The following SLC16A12 variants were observed in gnomAD, a reference collection of about 807,000 sequenced individuals.
SLC16A12 encodes solute carrier family 16 member 12.
A neutral mutation model predicts 42.4 loss-of-function variants in SLC16A12; 17 were observed. The observed-to-expected ratio is 0.40, with a 90% CI of 0.27 to 0.60. The LOEUF is 0.60. Ranked by LOEUF, SLC16A12 falls within the 20% of genes least tolerant of loss-of-function variation. The pLI is 0.42. For missense variants in SLC16A12, 544 were observed against 623.0 expected, an observed-to-expected ratio of 0.87 and a Z score of 1.35; for synonymous variants, 224 against 229.4, an observed-to-expected ratio of 0.98 and a Z score of 0.21.
chr10:89,515,822 C>T (rs189537217), intron 2 of SLC16A12, among the ~76,000 whole-genome samples: 28 of 152,124 alleles, frequency 1.8e-4, no homozygotes, highest in Admixed American at 1.6e-3. Context: ...CAATCAGTAC[C>T]ATAACAGGAG....
intron 2 of SLC16A12, among the ~76,000 whole-genome samples, chr10:89,516,314 G>A (rs137923116): frequency 6.8e-4 from 103 of 152,236 alleles, no homozygotes; most frequent in South Asian, 3.9e-3. Flanking sequence ...AGCCCCTCCC[G>A]ATGATGTCAC....
intron 2 of SLC16A12, among the ~76,000 whole-genome samples, chr10:89,545,584 A>G (rs775273105): frequency 2.6e-5 from 4 of 152,236 alleles, no homozygotes; most frequent in Admixed American, 6.5e-5. Flanking sequence ...ATGGAAAAAC[A>G]TTCCATCCTC....
chr10:89,544,687 T>C (rs1843733275), intron 2 of SLC16A12, among the ~76,000 whole-genome samples: 1 of 152,234 alleles, frequency 6.6e-6, no homozygotes, highest in Non-Finnish European at 1.5e-5. Flanking sequence ...TGTGTATGTA[T>C]TATTTCATTC....
chr10:89,464,733 T>C (rs1176208891), intron 2 of SLC16A12, among the ~76,000 whole-genome samples: 2 of 152,118 alleles, frequency 1.3e-5, no homozygotes, highest in Non-Finnish European at 2.9e-5. Context: ...CTGGAACAAA[T>C]TGGTGGCTTG....
At chr10:89,472,252 A>G (rs2133769825) in intron 2 of SLC16A12, among the ~76,000 whole-genome samples, 1 of 151,754 alleles carries the variant, frequency 6.6e-6, no homozygotes, top group South Asian at 2.1e-4. Context: ...ATGCCAAGAA[A>G]TAGATTCAAC....
At chr10:89,554,761 C>T (rs192593905) in intron 2 of SLC16A12, among the ~76,000 whole-genome samples, 11 of 152,292 alleles carry the variant, frequency 7.2e-5, no homozygotes, top group African/African-American at 2.4e-4. Context: ...CATTGGATAC[C>T]TGCTCTTTGC....
intron 2 of SLC16A12, among the ~76,000 whole-genome samples, chr10:89,517,553 C>G (rs900346113): frequency 3.3e-5 from 5 of 152,084 alleles, no homozygotes; most frequent in African/African-American, 1.2e-4. Context: ...TCAAGGAATC[C>G]TCCTGCCTTG....
At chr10:89,460,294 G>A (rs938022423) in intron 3 of SLC16A12, among the ~76,000 whole-genome samples, 2 of 152,038 alleles carry the variant, frequency 1.3e-5, no homozygotes, top group East Asian at 3.9e-4. Context: ...TCATAATATA[G>A]ATGAGTCTTA....
At position 89,540,918 on chromosome 10, in the gene SLC16A12, T is replaced by C. The variant is rs201460337; in HGVS notation, c.-47+14964A>G. 2.3e-4 allele frequency among the ~76,000 whole-genome samples: 35 copies of C among 152,090 alleles called. 1 individual carries two copies. The East Asian group carries it at 4.3e-3, about 18-fold the overall frequency. ...AAGACAAACTAAGCAAATTTCTTTT[T>C]TTTTTTTCCCTTTTTTTTTTTGACA... is the stretch of plus-strand genomic sequence containing the variant. On this transcript the variant is annotated intron_variant, in intron 2 of 2. Transcript: ENST00000475682.
At chr10:89,457,892 CTGATTGTGATTGTGGTGTT>C (rs1483194516) in intron 3 of SLC16A12, among the ~76,000 whole-genome samples, 2 of 152,148 alleles carry the variant, frequency 1.3e-5, no homozygotes, top group Non-Finnish European at 2.9e-5. Flanking sequence ...TACCCCAAGT[CTGATTGTGATTGTGGTGTT>C]CTGAGTTATC....
intron 2 of SLC16A12, among the ~76,000 whole-genome samples, chr10:89,489,176 C>T (rs1009443315): frequency 6.6e-5 from 10 of 151,964 alleles, no homozygotes; most frequent in African/African-American, 2.2e-4. Flanking sequence ...CTATTTTGAC[C>T]CCAACGTTAC....
chr10:89,448,798 G>GA (rs1415868835), intron 3 of SLC16A12, among the ~76,000 whole-genome samples: 1 of 152,134 alleles, frequency 6.6e-6, no homozygotes, highest in Admixed American at 6.5e-5. Flanking sequence ...ATTCAATTAG[G>GA]AAAAGAGGAA....
rs142580584 is a variant in SLC16A12 at position 89,431,606 on chromosome 10, T to C, written c.*1458A>G. On this transcript the variant is annotated 3_prime_UTR_variant, in exon 8 of 8. Transcript: ENST00000371790. ...GCCTTGTAGGGGACAGTGGATTAAATAGCCTTCAGGGTCAAAACAGTTCCT... is the reference window on the plus strand; with the variant it reads ...GCCTTGTAGGGGACAGTGGATTAAACAGCCTTCAGGGTCAAAACAGTTCCT... 1.6e-3 allele frequency: 247 copies of C among 152,324 alleles called. 2 individuals are homozygous for C. Among genetic ancestry groups the C allele is most frequent in the African/African-American group, 5.7e-3 (237 of 41,568 alleles). The allele number at this position is 152,324 out of a possible 1,614,324, so 9.4% of individuals were successfully genotyped here. A position where few individuals can be genotyped will look rare whatever the true frequency, so the allele number is the denominator to read the frequency against.
intron 2 of SLC16A12, among the ~76,000 whole-genome samples, chr10:89,485,151 C>G (rs1458216940): frequency 6.6e-6 from 1 of 152,170 alleles, no homozygotes; most frequent in African/African-American, 2.4e-5. Flanking sequence ...TTTGGCTCCC[C>G]AGAGGACATT....
chr10:89,508,115 C>A (rs1292425112), intron 2 of SLC16A12, among the ~76,000 whole-genome samples: 3 of 152,128 alleles, frequency 2.0e-5, no homozygotes, highest in Admixed American at 2.0e-4. Flanking sequence ...TAGACTCCCA[C>A]ACAGCAATAG....
intron 2 of SLC16A12, among the ~76,000 whole-genome samples, chr10:89,496,104 A>G (rs1380208335): frequency 6.6e-6 from 1 of 152,208 alleles, no homozygotes; most frequent in Non-Finnish European, 1.5e-5. Context: ...TAATTATTAT[A>G]ACAATTAACA....
At chr10:89,441,357 A>C (rs1841908132) in intron 4 of SLC16A12, 106 bp from the exon 5 acceptor site, 2 of 1,387,904 alleles carry the variant, frequency 1.4e-6, no homozygotes, top group Non-Finnish European at 2.0e-6. Flanking sequence ...CATTGAGCCC[A>C]CCCTATTAAT....
At chr10:89,475,669 A>G (rs1470151436) in intron 2 of SLC16A12, among the ~76,000 whole-genome samples, 2 of 152,126 alleles carry the variant, frequency 1.3e-5, no homozygotes, top group African/African-American at 4.8e-5. Context: ...AAATTTTTGG[A>G]TGTTTGTCAG....
At chr10:89,444,287 A>G (rs1187030666) in intron 3 of SLC16A12, among the ~76,000 whole-genome samples, 1 of 152,234 alleles carries the variant, frequency 6.6e-6, no homozygotes, top group East Asian at 1.9e-4. Flanking sequence ...TAGATAGATA[A>G]AAGGATATAT....
Sources: allele counts gnomAD v4.1 joint callset (sites outside exome capture counted in the v4.1 genomes callset), GRCh38; gene constraint gnomAD v4.1.1; transcripts MANE v1.5; gene names NCBI Gene and HGNC (gene_info 2026-07-23, HGNC 2026-07-21).